Variants in SPNS3 observed in about 807,000 individuals in gnomAD.
SPNS3 encodes the protein SPNS lysolipid transporter 3, sphingosine-1-phosphate (putative), also known as protein spinster homolog 3.
Under a neutral mutation model 54.4 loss-of-function variants are expected in SPNS3, and 51 were observed. The observed-to-expected ratio is 0.94, with a 90% CI of 0.75 to 1.18. SPNS3 has a LOEUF of 1.18. SPNS3 is among the 50% of genes most tolerant of loss of function. The pLI is 0.00. For synonymous variants in SPNS3, 309 were observed against 294.7 expected, an observed-to-expected ratio of 1.05 and a Z score of -0.50; for missense variants, 669 against 677.4, an observed-to-expected ratio of 0.99 and a Z score of 0.14.
intron 8 of SPNS3, among the ~76,000 whole-genome samples, chr17:4,465,529 A>G (rs891092363): frequency 2.0e-4 from 30 of 152,120 alleles, no homozygotes; most frequent in African/African-American, 6.5e-4. Context: ...GGAGTTCAAG[A>G]CCAGCTTAGC....
At chr17:4,451,242 T>TCTC (rs1472194581) in intron 7 of SPNS3, among the ~76,000 whole-genome samples, 1 of 138,416 alleles carries the variant, frequency 7.2e-6, no homozygotes, top group African/African-American at 2.6e-5. Flanking sequence ...TTCTTCTTCT[T>TCTC]CTTCTTTGTT....
intron 1 of SPNS3, 67 bp from the exon 2 acceptor site, chr17:4,439,591 G>A: frequency 6.6e-7 from 1 of 1,504,584 alleles, no homozygotes; most frequent in South Asian, 1.2e-5. Context: ...GCCAAACCTG[G>A]AGCAGCTGCC....
Position 4,487,953 on chromosome 17 carries a change from G to C in SPNS3, c.*59G>C, listed in dbSNP as rs1382788667. On this transcript the variant is annotated 3_prime_UTR_variant, in exon 12 of 12. Transcript: ENST00000355530. Reference sequence around the variant, plus strand: ...TCCCGTTGGTCCCCACAGCAGCAGTGCCTCGGTTCCTCTTTGGCTGTCCTC... The same window carrying C: ...TCCCGTTGGTCCCCACAGCAGCAGTCCCTCGGTTCCTCTTTGGCTGTCCTC... 6.7e-7 allele frequency: 1 copy of C among 1,488,504 alleles called. No individual in the cohort carries two copies. The highest frequency in any genetic ancestry group is 9.4e-7 in the Non-Finnish European group (1 of 1,069,190). The allele number at this position is 1,488,504 out of a possible 1,614,324, so 92.2% of individuals were successfully genotyped here.
At chr17:4,484,968 C>A (rs9303187) in intron 9 of SPNS3, 23,809 of 152,050 alleles carry the variant, frequency 0.16, 1,986 homozygotes, top group Middle Eastern at 0.23. Flanking sequence ...AAGGGCCCCT[C>A]CCAGTTCTGG....
intron 8 of SPNS3, among the ~76,000 whole-genome samples, chr17:4,475,645 C>A (rs555455365): frequency 1.3e-5 from 2 of 152,212 alleles, no homozygotes; most frequent in Non-Finnish European, 2.9e-5. Flanking sequence ...CCACACTGGG[C>A]AGGAACAGAG....
intron 5 of SPNS3, 121 bp downstream of exon 5, chr17:4,447,083 T>A: frequency 1.0e-6 from 1 of 995,416 alleles, no homozygotes; most frequent in Non-Finnish European, 1.5e-6. Context: ...CGGGGGGTGG[T>A]GGTCAGGCAT....
chr17:4,441,392 G>A (rs779664839), intron 2 of SPNS3, among the ~76,000 whole-genome samples: 4 of 152,068 alleles, frequency 2.6e-5, no homozygotes, highest in African/African-American at 7.2e-5. Context: ...AAAGAGTTAC[G>A]TGAGCAACAG....
At chr17:4,452,866 G>T in intron 7 of SPNS3, 150 bp from the exon 8 acceptor site, 2 of 683,302 alleles carry the variant, frequency 2.9e-6, no homozygotes, top group Non-Finnish European at 4.9e-6. Flanking sequence ...GTAAGGTTCT[G>T]GGTCAGGTCA....
intron 2 of SPNS3, 128 bp downstream of exon 2, chr17:4,439,851 A>T: frequency 1.6e-5 from 13 of 804,644 alleles, no homozygotes; most frequent in African/African-American, 6.9e-5. Context: ...TGGGTGGGGT[A>T]TGGGCCTGAG....
At position 4,466,300 on chromosome 17, in the gene SPNS3, G is replaced by A. The variant is rs1259728249; in HGVS notation, c.1114-12272G>A. ...CTCATGCCTGTAATCCCAGCACTTC[G>A]GAAGGCCGAGGTAGGCAGATCATGA... On this transcript the variant is annotated intron_variant, in intron 8 of 11. Coordinates refer to ENST00000355530, the MANE Select transcript of SPNS3 (RefSeq NM_182538.5). 3.3e-5 allele frequency among the ~76,000 whole-genome samples: 5 copies of A among 152,298 alleles called. No individual in the cohort carries two copies. The South Asian group carries it at 6.2e-4, about 19-fold the overall frequency.
chr17:4,444,101 A>G (rs953991630), intron 2 of SPNS3, among the ~76,000 whole-genome samples: 3 of 152,180 alleles, frequency 2.0e-5, no homozygotes, highest in Admixed American at 6.5e-5. Context: ...ACTTTGTCTC[A>G]AAAAGTAAAA....
chr17:4,457,435 C>T (rs1041746542), intron 8 of SPNS3, among the ~76,000 whole-genome samples: 55 of 152,340 alleles, frequency 3.6e-4, no homozygotes, highest in African/African-American at 1.3e-3. Context: ...GGCCGTGACG[C>T]CTCCAAAGTC....
At chr17:4,477,601 G>C (rs941393691) in intron 8 of SPNS3, among the ~76,000 whole-genome samples, 2 of 152,208 alleles carry the variant, frequency 1.3e-5, no homozygotes, top group Admixed American at 6.5e-5. Context: ...TTCTGGGCTT[G>C]TAACCAGAGG....
intron 6 of SPNS3, 88 bp from the exon 7 acceptor site, chr17:4,449,147 C>A (rs1971085181): frequency 1.4e-6 from 2 of 1,473,440 alleles, no homozygotes; most frequent in Non-Finnish European, 1.8e-6. Flanking sequence ...TGGGAAAGTT[C>A]CTAGACTGCC....
intron 8 of SPNS3, among the ~76,000 whole-genome samples, chr17:4,475,235 TC>T (rs1567573438): frequency 6.6e-6 from 1 of 152,108 alleles, no homozygotes; most frequent in Non-Finnish European, 1.5e-5. Context: ...AGGCCCTATC[TC>T]CCAGAGGGAT....
chr17:4,453,397 C>T (rs1297956899), intron 8 of SPNS3, among the ~76,000 whole-genome samples, 192 bp downstream of exon 8: 1 of 152,094 alleles, frequency 6.6e-6, no homozygotes, highest in Non-Finnish European at 1.5e-5. Flanking sequence ...GTCTGTAATC[C>T]TAGCACTTTG....
At chr17:4,443,591 C>T (rs1040948167) in intron 2 of SPNS3, among the ~76,000 whole-genome samples, 2 of 152,118 alleles carry the variant, frequency 1.3e-5, no homozygotes, top group African/African-American at 4.8e-5. Flanking sequence ...TTACTTAATT[C>T]TCTCAGTAAC....
At chr17:4,474,790 C>T (rs963457536) in intron 8 of SPNS3, among the ~76,000 whole-genome samples, 6 of 152,188 alleles carry the variant, frequency 3.9e-5, no homozygotes, top group South Asian at 2.1e-4. Flanking sequence ...GGCTGTTTTT[C>T]GGCAAGTCCA....
At chr17:4,456,302 A>G (rs979806902) in intron 8 of SPNS3, among the ~76,000 whole-genome samples, 5 of 152,088 alleles carry the variant, frequency 3.3e-5, no homozygotes, top group Non-Finnish European at 7.4e-5. Context: ...CTTCCACGCA[A>G]GCAGTGGGGG....
Sources: gnomAD v4.1 joint callset for allele counts (sites outside exome capture counted in the v4.1 genomes callset) on GRCh38, gnomAD v4.1.1 for gene constraint, MANE v1.5 for transcripts, NCBI Gene and HGNC (gene_info 2026-07-23, HGNC 2026-07-21) for gene names.